TMEM144: variants seen among roughly 807,000 people sequenced by gnomAD.
TMEM144 encodes transmembrane protein 144.
TMEM144 carries 39 observed loss-of-function variants against 43.6 expected under a neutral mutation model. That is an observed-to-expected ratio of 0.90 (90% CI 0.69 to 1.17). The LOEUF (loss-of-function observed/expected upper bound fraction) is 1.17. Ranked by LOEUF, TMEM144 falls within the 50% of genes most tolerant of loss-of-function variation. TMEM144 has a pLI of 0.00. For synonymous variants in TMEM144, 154 were observed against 133.6 expected (o/e 1.15, Z -1.06); for missense variants, 417 against 411.9 (o/e 1.01, Z -0.11).
At chr4:158,216,051 G>T in intron 4 of TMEM144, among the ~76,000 whole-genome samples, 1 of 152,156 alleles carries the variant, frequency 6.6e-6, no homozygotes, top group East Asian at 1.9e-4. Context: ...ATTTAGTGAA[G>T]TTCATAAGTT....
intron 11 of TMEM144, 98 bp from the exon 12 acceptor site, chr4:158,244,198 T>G (rs1156952400): frequency 6.0e-6 from 5 of 832,960 alleles, no homozygotes; most frequent in Non-Finnish European, 8.5e-6. Flanking sequence ...TAGTTTTCCC[T>G]GAAAATATGT....
At chr4:158,231,607 C>T (rs548025105) in intron 6 of TMEM144, among the ~76,000 whole-genome samples, 1 of 151,860 alleles carries the variant, frequency 6.6e-6, no homozygotes, top group African/African-American at 2.4e-5. Flanking sequence ...TTTTTTTAAA[C>T]CACATTCAAC....
rs1212471162 is a variant in TMEM144, at chr4:158,219,367, T to C, written c.390T>C (p.Ile130=). The change falls in exon 6 of 13, where the codon ATT becomes ATC. Residue 130 remains isoleucine (I), a synonymous_variant. Coordinates refer to ENST00000296529, the MANE Select transcript of TMEM144 (RefSeq NM_018342.5). ...TATCAAATCCGCTGCTAAATTACAT[T>C]GGAGCTGGGCTATCAGTAGTAAGGT... ...EEVSNPLLNY[I]GAGLSVVSAF... The C allele has an allele frequency of 6.2e-7, 1 of 1,613,908 alleles. No individual in the cohort carries two copies. The highest frequency in any genetic ancestry group is 1.7e-5 in the Admixed American group (1 of 60,000).
chr4:158,223,051 TA>T (rs1411285750), intron 6 of TMEM144, among the ~76,000 whole-genome samples: 2 of 152,234 alleles, frequency 1.3e-5, no homozygotes, highest in East Asian at 3.8e-4. Flanking sequence ...TCTCCTTACT[TA>T]CTGCCACCCA....
intron 5 of TMEM144, among the ~76,000 whole-genome samples, chr4:158,218,922 T>C (rs1734371266): frequency 6.6e-6 from 1 of 152,052 alleles, no homozygotes; most frequent in South Asian, 2.1e-4. Flanking sequence ...ATTTCAGGAA[T>C]TCAAGACCAG....
chr4:158,225,206 T>C (rs1734702053), intron 6 of TMEM144, among the ~76,000 whole-genome samples: 1 of 152,214 alleles, frequency 6.6e-6, no homozygotes, highest in African/African-American at 2.4e-5. Flanking sequence ...TTGGAAACCC[T>C]GTCTAGTTGT....
At chr4:158,237,154 A>C (rs1462251568) in intron 8 of TMEM144, among the ~76,000 whole-genome samples, 1 of 152,246 alleles carries the variant, frequency 6.6e-6, no homozygotes, top group Admixed American at 6.5e-5. Flanking sequence ...AAAATCATAA[A>C]GCATGGTGTC....
intron 7 of TMEM144, chr4:158,234,579 T>C (rs984874851): frequency 3.9e-5 from 6 of 152,144 alleles, no homozygotes; most frequent in Middle Eastern, 6.7e-3. Context: ...GCTATAGTAT[T>C]ATAATATACC....
At position 158,240,333 on chromosome 4, in the gene TMEM144, C is replaced by T. The variant is rs780629493; in HGVS notation, c.717C>T (p.Ile239=). ...LDYVFAHFSG[I]FLTSTVYFLA... ...ATGTGTTTGCGCACTTCAGTGGCAT[C>T]TTTCTTACAAGTACTGTCTACTTTC... Residue 239 remains isoleucine, a synonymous_variant, in exon 10 of 13, where the codon ATC becomes ATT. Transcript: ENST00000296529. 6.2e-7 allele frequency: 1 copy of T among 1,613,822 alleles called. No homozygotes were observed. The highest frequency in any genetic ancestry group is 1.1e-5 in the South Asian group (1 of 91,030).
At chr4:158,231,003 G>T (rs2111126733) in intron 6 of TMEM144, among the ~76,000 whole-genome samples, 1 of 152,304 alleles carries the variant, frequency 6.6e-6, no homozygotes, top group South Asian at 2.1e-4. Context: ...ATGATCTAAT[G>T]GTAATAGACT....
At chr4:158,211,265 T>G (rs555256178) in intron 1 of TMEM144, 188 bp from the exon 2 acceptor site, 1 of 152,358 alleles carries the variant, frequency 6.6e-6, no homozygotes, top group African/African-American at 2.4e-5. Flanking sequence ...CACGTCAAAT[T>G]AGTCTCTCCG....
intron 6 of TMEM144, among the ~76,000 whole-genome samples, chr4:158,225,569 T>C (rs1734723715): frequency 6.6e-6 from 1 of 152,222 alleles, no homozygotes; most frequent in African/African-American, 2.4e-5. Context: ...GGGGCTTCTC[T>C]CACTTTACGA....
At chr4:158,232,451 A>G (rs969506737) in intron 6 of TMEM144, among the ~76,000 whole-genome samples, 3 of 152,244 alleles carry the variant, frequency 2.0e-5, no homozygotes, top group Non-Finnish European at 4.4e-5. Flanking sequence ...CGGTGGCCTC[A>G]GTAGATCACC....
At chr4:158,249,611 ATTC>A (rs762643899) in intron 12 of TMEM144, among the ~76,000 whole-genome samples, 1 of 152,206 alleles carries the variant, frequency 6.6e-6, no homozygotes, top group Non-Finnish European at 1.5e-5. Flanking sequence ...TGAGAACATT[ATTC>A]TTCTGTCTAC....
Position 158,212,656 on chromosome 4 carries a change from A to G in TMEM144, c.-12A>G, listed in dbSNP as rs1414586036. 6.3e-6 allele frequency: 10 copies of G among 1,591,840 alleles called. No individual in the cohort carries two copies. Among genetic ancestry groups the G allele is most frequent in the Non-Finnish European group, 6.9e-6 (8 of 1,166,340 alleles). Reference sequence around the variant, plus strand: ...TCTAAAGTGAACCAGCTAACTCATTAAGACTGGAATCATGAGCAACAATGG... The same window carrying G: ...TCTAAAGTGAACCAGCTAACTCATTGAGACTGGAATCATGAGCAACAATGG... On this transcript the variant is annotated 5_prime_UTR_variant, in exon 3 of 13. Transcript: ENST00000296529.
chr4:158,237,403 T>C (rs1735402731), intron 8 of TMEM144, 122 bp from the exon 9 acceptor site: 1 of 736,664 alleles, frequency 1.4e-6, no homozygotes, highest in Non-Finnish European at 2.3e-6. Context: ...GAGCTTGAGA[T>C]AAATGGATGG....
Position 158,235,482 on chromosome 4 carries a change from T to G in TMEM144, c.540T>G (p.Leu180=), listed in dbSNP as rs1735293699. Residue 180 remains leucine (L), a synonymous_variant, in exon 8 of 13, where the codon CTT becomes CTG. Transcript: ENST00000296529. ...TQDPCSWVDK[L]STVHHRIVGC... ...ACCCCTGTTCCTGGGTGGATAAACT[T>G]TCTACAGTACACCACCGCATAGTGT... The G allele has an allele frequency of 6.2e-7, 1 of 1,613,836 alleles. No individual in the cohort carries two copies. Among genetic ancestry groups the G allele is most frequent in the South Asian group, 1.1e-5 (1 of 91,056 alleles).
At position 158,253,595 on chromosome 4, in the gene TMEM144, T is replaced by A; in HGVS notation, c.*68T>A. 7.4e-7 allele frequency: 1 copy of A among 1,343,814 alleles called. No individual in the cohort carries two copies. The highest frequency in any genetic ancestry group is 1.1e-6 in the Non-Finnish European group (1 of 948,044). The allele number at this position is 1,343,814 out of a possible 1,614,324, so 83.2% of individuals were successfully genotyped here. ...CGTCTATCGGACAGCGGAGAGATCA[T>A]GCTGAGAAAAGAGTGCATTTTCATA... On this transcript the variant is annotated 3_prime_UTR_variant, in exon 13 of 13. Transcript: ENST00000296529.
Position 158,215,066 on chromosome 4 carries a change from A to T in TMEM144, c.110-125A>T, listed in dbSNP as rs566529392. 4 of 1,181,414 alleles carry T rather than the reference A, an allele frequency of 3.4e-6. No homozygotes were observed. The Admixed American group carries it at 8.0e-5, about 23-fold the overall frequency. The allele number at this position is 1,181,414 out of a possible 1,614,324, so 73.2% of individuals were successfully genotyped here. Reference sequence around the variant, plus strand: ...AGTAGTCATAAGAATGAAATGTGCAAAGTCCATGGCATATGGCATTTAATA... The same window carrying T: ...AGTAGTCATAAGAATGAAATGTGCATAGTCCATGGCATATGGCATTTAATA... On this transcript the variant is annotated intron_variant, in intron 3 of 12. Coordinates refer to ENST00000296529, the MANE Select transcript of TMEM144 (RefSeq NM_018342.5).
Sources: allele counts gnomAD v4.1 joint callset (sites outside exome capture counted in the v4.1 genomes callset), GRCh38; gene constraint gnomAD v4.1.1; transcripts MANE v1.5; gene names NCBI Gene and HGNC (gene_info 2026-07-23, HGNC 2026-07-21).